The following TRIM9 variants were observed in gnomAD, a reference collection of about 807,000 sequenced individuals.
TRIM9 encodes tripartite motif containing 9.
Under a neutral mutation model 78.3 loss-of-function variants are expected in TRIM9, and 26 were observed. The observed-to-expected ratio is 0.33, with a 90% CI of 0.24 to 0.46. TRIM9 has a LOEUF of 0.46. Ranked by LOEUF, TRIM9 falls within the 20% of genes least tolerant of loss-of-function variation. The probability of loss-of-function intolerance (pLI) is 1.00; values close to 1 mark genes in which losing one functional copy is unlikely to be tolerated. For synonymous variants in TRIM9, 398 were observed against 416.5 expected, an observed-to-expected ratio of 0.96 and a Z score of 0.54; for missense variants, 787 against 1,036.4, an observed-to-expected ratio of 0.76 and a Z score of 3.30.
At chr14:50,977,583 C>A (rs1004602467) in intron 12 of TRIM9, among the ~76,000 whole-genome samples, 5 of 152,156 alleles carry the variant, frequency 3.3e-5, no homozygotes, top group African/African-American at 4.8e-5. Context: ...GGTTCTTAGT[C>A]ACCTGCCTCT....
At chr14:51,041,953 T>G (rs1176688182) in intron 1 of TRIM9, among the ~76,000 whole-genome samples, 2 of 152,252 alleles carry the variant, frequency 1.3e-5, no homozygotes, top group Non-Finnish European at 2.9e-5. Context: ...CCGAATCCAT[T>G]AAGCCAGGGT....
rs369594912 is a variant in TRIM9 at position 51,010,437 on chromosome 14, T to C, written c.1099A>G (p.Met367Val). 8.1e-6 allele frequency: 13 copies of C among 1,613,878 alleles called. No homozygotes were observed. The highest frequency in any genetic ancestry group is 1.7e-5 in the Admixed American group (1 of 59,998). The change falls in exon 4 of 13, where the codon ATG (methionine) becomes GTG (valine). Residue 367 changes from methionine (M) to valine (V), a missense_variant. Coordinates refer to ENST00000684578, the MANE Select transcript of TRIM9 (RefSeq NM_001387360.1). ...TTAATCACCTCCAAGCAGTACTCCA[T>C]GAGACCTGTGGTCTGGCGCAATTTC... Reference protein sequence around the residue: ...TVKLRQTTGLMEYCLEVIKEN... With the variant: ...TVKLRQTTGLVEYCLEVIKEN...
At chr14:50,984,124 T>G (rs1324138584) in intron 8 of TRIM9, among the ~76,000 whole-genome samples, 1 of 152,178 alleles carries the variant, frequency 6.6e-6, no homozygotes, top group Non-Finnish European at 1.5e-5. Context: ...AATTACATTG[T>G]GTGGAGGAAG....
At chr14:51,059,476 A>G (rs1271667399) in intron 1 of TRIM9, among the ~76,000 whole-genome samples, 1 of 151,276 alleles carries the variant, frequency 6.6e-6, no homozygotes, top group South Asian at 2.1e-4. Flanking sequence ...AATGAAGAGA[A>G]TGAAAAAACA....
At chr14:51,067,657 G>A (rs574708198) in intron 1 of TRIM9, among the ~76,000 whole-genome samples, 18 of 151,402 alleles carry the variant, frequency 1.2e-4, no homozygotes, top group African/African-American at 3.6e-4. Flanking sequence ...TCATCTGTTC[G>A]GCTGGCCCTT....
chr14:51,050,093 T>C (rs1390531035), intron 1 of TRIM9, among the ~76,000 whole-genome samples: 1 of 152,178 alleles, frequency 6.6e-6, no homozygotes, highest in African/African-American at 2.4e-5. Flanking sequence ...ACTAGTTACA[T>C]ACAAAGAGTA....
intron 1 of TRIM9, among the ~76,000 whole-genome samples, chr14:51,043,476 C>T (rs1418851577): frequency 1.3e-5 from 2 of 152,212 alleles, no homozygotes; most frequent in Non-Finnish European, 2.9e-5. Context: ...CTGTTGGCCC[C>T]ATAAACACAC....
intron 1 of TRIM9, among the ~76,000 whole-genome samples, chr14:51,051,884 T>C (rs902063167): frequency 6.6e-6 from 1 of 151,990 alleles, no homozygotes; most frequent in Non-Finnish European, 1.5e-5. Flanking sequence ...AGATAATTGC[T>C]TGAACCCAGG....
chr14:51,061,410 C>A (rs1428458854), intron 1 of TRIM9, among the ~76,000 whole-genome samples: 5 of 106,394 alleles, frequency 4.7e-5, no homozygotes, highest in Non-Finnish European at 8.0e-5. Context: ...AAGACTCTGT[C>A]TCAAGAAAAA....
rs920745243 is a variant in TRIM9 at position 51,018,426 on chromosome 14, C to T, written c.1041+4409G>A. On this transcript the variant is annotated intron_variant, in intron 3 of 12. Transcript: ENST00000684578. ...AAAGGATTATTTGCCTGTCATAAAA[C>T]GATGGCAAAATAGCTGCAGTAAGCA... Among the ~76,000 whole-genome samples the T allele has an allele frequency of 5.3e-5, 8 of 151,552 alleles. No homozygotes were observed. The East Asian group carries it at 9.7e-4, about 18-fold the overall frequency.
chr14:51,082,499 AAAG>A (rs1455742685), intron 1 of TRIM9, among the ~76,000 whole-genome samples: 3 of 152,218 alleles, frequency 2.0e-5, no homozygotes, highest in Non-Finnish European at 2.9e-5. Context: ...ATGCGAAGTA[AAAG>A]AAGACAGATG....
intron 1 of TRIM9, among the ~76,000 whole-genome samples, chr14:51,085,886 C>A (rs983100127): frequency 4.6e-5 from 7 of 152,106 alleles, no homozygotes; most frequent in African/African-American, 1.7e-4. Context: ...TTACTTAGTT[C>A]TGACAGAGAA....
At chr14:51,057,424 G>A (rs889842416) in intron 1 of TRIM9, among the ~76,000 whole-genome samples, 1 of 152,090 alleles carries the variant, frequency 6.6e-6, no homozygotes, top group Non-Finnish European at 1.5e-5. Flanking sequence ...ATGTCCTCTT[G>A]TATATAAAAG....
intron 1 of TRIM9, among the ~76,000 whole-genome samples, chr14:51,053,595 A>ATTTTTTTTTTTTTTTTTTTAT (rs59227932): frequency 2.4e-5 from 2 of 82,198 alleles, no homozygotes; most frequent in African/African-American, 5.4e-5. Context: ...TTTTTTTTTA[A>ATTTTTTTTTTTTTTTTTTTAT]TTTTTTTTTT....
intron 3 of TRIM9, among the ~76,000 whole-genome samples, chr14:51,011,828 C>T (rs896818243): frequency 2.6e-5 from 4 of 152,178 alleles, no homozygotes; most frequent in African/African-American, 7.2e-5. Flanking sequence ...ACTTATTTAT[C>T]GTTGCAGTCA....
At chr14:51,073,762 T>G (rs531484799) in intron 1 of TRIM9, among the ~76,000 whole-genome samples, 78 of 152,240 alleles carry the variant, frequency 5.1e-4, no homozygotes, top group Non-Finnish European at 8.8e-4. Context: ...TTCATTGAAA[T>G]GTACATTCAT....
At chr14:51,010,178 C>G (rs567204558) in intron 4 of TRIM9, among the ~76,000 whole-genome samples, 1 of 151,916 alleles carries the variant, frequency 6.6e-6, no homozygotes, top group African/African-American at 2.4e-5. Context: ...ACCTCTCAGA[C>G]TTGTAGTACA....
rs2063257847 is a variant in TRIM9 at position 51,080,981 on chromosome 14, G to A, written c.822+13137C>T. Among the ~76,000 whole-genome samples the A allele has an allele frequency of 3.3e-5, 5 of 152,340 alleles. No homozygotes were observed. In the South Asian group the frequency reaches 1.0e-3, roughly 32 times the overall value. ...GGCTTATTTTGAGATATGATGCAAA[G>A]AATTTGCAGTAGGTCGTGATAGGCC... On this transcript the variant is annotated intron_variant, in intron 1 of 12. Transcript: ENST00000684578.
At chr14:50,988,453 A>G (rs1226378913) in intron 7 of TRIM9, 1 of 152,028 alleles carries the variant, frequency 6.6e-6, no homozygotes, top group African/African-American at 2.4e-5. Context: ...TGGCATTAAG[A>G]TGGTTATGGC....
Sources: allele counts gnomAD v4.1 joint callset (sites outside exome capture counted in the v4.1 genomes callset), GRCh38; gene constraint gnomAD v4.1.1; transcripts MANE v1.5; gene names NCBI Gene and HGNC (gene_info 2026-07-23, HGNC 2026-07-21).